Variants in PREX1 observed in about 807,000 individuals in gnomAD.
PREX1 encodes the protein phosphatidylinositol 3,4,5-trisphosphate-dependent Rac exchanger 1 protein.
PREX1 carries 41 observed loss-of-function variants against 198.3 expected under a neutral mutation model. The ratio of observed to expected loss-of-function variants is 0.21; its 90% CI spans 0.16 to 0.27. The LOEUF (loss-of-function observed/expected upper bound fraction) is 0.27, where lower values mean the gene tolerates loss of function less well. PREX1 is among the 10% of genes least tolerant of loss of function. The pLI is 1.00. For synonymous variants in PREX1, 843 were observed against 887.2 expected, an observed-to-expected ratio of 0.95 and a Z score of 0.89; for missense variants, 1,620 against 2,200.7, an observed-to-expected ratio of 0.74 and a Z score of 5.28.
At chr20:48,838,565 T>C in the PREX1 span, among the ~76,000 whole-genome samples, 1 of 152,088 alleles carries the variant, frequency 6.6e-6, no homozygotes, top group Non-Finnish European at 1.5e-5. Flanking sequence ...AAGTCTGATG[T>C]CAAAGAATAT....
intron 1 of PREX1, among the ~76,000 whole-genome samples, chr20:48,789,582 C>A (rs926944737): frequency 1.3e-5 from 2 of 152,238 alleles, no homozygotes; most frequent in Admixed American, 6.5e-5. Flanking sequence ...AGCCAGCCCC[C>A]ACGCAGCCAC....
At position 48,650,885 on chromosome 20, in the gene PREX1, C is replaced by A. The variant is rs768828939; in HGVS notation, c.2817+9G>T. ...TGTGGCAGAGACCCCGGAGGGAGCACGCAGGCACCTCCTGGTAGCAGGCAA... is the reference window on the plus strand; with the variant it reads ...TGTGGCAGAGACCCCGGAGGGAGCAAGCAGGCACCTCCTGGTAGCAGGCAA... On this transcript the variant is annotated intron_variant, in intron 23 of 39. Coordinates refer to ENST00000371941, the MANE Select transcript of PREX1 (RefSeq NM_020820.4). 2 of 1,613,910 alleles carry A rather than the reference C, an allele frequency of 1.2e-6. No individual in the cohort carries two copies. Among genetic ancestry groups the A allele is most frequent in the Non-Finnish European group, 1.7e-6 (2 of 1,179,926 alleles).
At chr20:48,844,924 C>T in the PREX1 span, among the ~76,000 whole-genome samples, 3 of 152,162 alleles carry the variant, frequency 2.0e-5, no homozygotes, top group African/African-American at 7.2e-5. Flanking sequence ...TCCAGACCTA[C>T]GTGGGATGTT....
At position 48,691,551 on chromosome 20, in the gene PREX1, A is replaced by G. The variant is rs1293038580; in HGVS notation, c.1037-455T>C. ...CAAACAGATTGGCATGATCTAGGGA[A>G]GCGAAAGCCTGAATCTGAGGAGGGC... On this transcript the variant is annotated intron_variant, in intron 8 of 39. Transcript: ENST00000371941. The surrounding 1 kb of genome is among the most constrained non-coding windows in gnomAD (Gnocchi z 5.0). Among the ~76,000 whole-genome samples the G allele has an allele frequency of 6.6e-6, 1 of 152,192 alleles. No homozygotes were observed. Among genetic ancestry groups the G allele is most frequent in the African/African-American group, 2.4e-5 (1 of 41,444 alleles).
the PREX1 span, among the ~76,000 whole-genome samples, chr20:48,847,567 T>C: frequency 6.6e-6 from 1 of 152,200 alleles, no homozygotes; most frequent in East Asian, 1.9e-4. Flanking sequence ...ATTGCCTCTA[T>C]TTCCACCATA....
chr20:48,771,257 C>A (rs1380102842), intron 1 of PREX1, among the ~76,000 whole-genome samples: 2 of 150,924 alleles, frequency 1.3e-5, no homozygotes, highest in African/African-American at 4.9e-5. Flanking sequence ...CCTATCCGAC[C>A]TTTAGGTTGT....
At chr20:48,657,802 A>G (rs1191982304) in intron 17 of PREX1, among the ~76,000 whole-genome samples, 2 of 152,176 alleles carry the variant, frequency 1.3e-5, no homozygotes. Context: ...GCTTTGCATC[A>G]GACAGCAATG....
At chr20:48,874,854 G>A in the PREX1 span, among the ~76,000 whole-genome samples, 2 of 151,600 alleles carry the variant, frequency 1.3e-5, no homozygotes, top group African/African-American at 4.9e-5. Context: ...TCCACCCTGG[G>A]CAACGGGAGT....
chr20:48,836,959 A>G, the PREX1 span, among the ~76,000 whole-genome samples: 1 of 150,902 alleles, frequency 6.6e-6, no homozygotes, highest in Admixed American at 6.6e-5. Flanking sequence ...TGAGGGACAC[A>G]GCGACATAAA....
chr20:48,804,087 C>A lies in PREX1; in HGVS notation c.219+23555G>T, dbSNP rs557593650. 9.8e-5 allele frequency among the ~76,000 whole-genome samples: 15 copies of A among 152,348 alleles called. No individual in the cohort carries two copies. In the East Asian group the frequency reaches 2.3e-3, roughly 24 times the overall value. On this transcript the variant is annotated intron_variant, in intron 1 of 39. Coordinates refer to ENST00000371941, the MANE Select transcript of PREX1 (RefSeq NM_020820.4). ...ACCATTGTTTGAGTCATCTGCGTTT[C>A]TGACGCCCAGAAGAAGGCCTGGGAT...
chr20:48,723,006 C>T (rs2089992875), intron 5 of PREX1, among the ~76,000 whole-genome samples: 1 of 152,260 alleles, frequency 6.6e-6, no homozygotes, highest in African/African-American at 2.4e-5. Flanking sequence ...ATTCCCCTGG[C>T]AACGTGAATG....
rs547284335 is a variant in PREX1 at position 48,718,848 on chromosome 20, GC to G, written c.621+7441del. On this transcript the variant is annotated intron_variant, in intron 5 of 39. Coordinates refer to ENST00000371941, the MANE Select transcript of PREX1 (RefSeq NM_020820.4). ...ATCTTTATAATAACCAATAACTAGG[GC>G]ACTATTTCACAGGAGAAAACTGAGG... Among the ~76,000 whole-genome samples, 351 of 152,214 alleles carry G rather than the reference GC, an allele frequency of 2.3e-3. 4 individuals carry two copies. Among genetic ancestry groups the G allele is most frequent in the African/African-American group, 8.1e-3 (334 of 41,488 alleles).
intron 31 of PREX1, 43 bp from the exon 32 acceptor site, chr20:48,636,726 G>A (rs1214261844): frequency 1.1e-5 from 17 of 1,518,190 alleles, no homozygotes; most frequent in East Asian, 2.4e-5. Flanking sequence ...GGGCGCTCCC[G>A]TGCCACCAGG....
chr20:48,692,583 GA>G, intron 8 of PREX1, 88 bp downstream of exon 8: 5 of 1,131,396 alleles, frequency 4.4e-6, no homozygotes, highest in Non-Finnish European at 6.4e-6. Flanking sequence ...CATGATAAAA[GA>G]AAAAAATATA....
chr20:48,694,893 G>A (rs185443770), intron 7 of PREX1, among the ~76,000 whole-genome samples: 1 of 152,318 alleles, frequency 6.6e-6, no homozygotes, highest in African/African-American at 2.4e-5. Flanking sequence ...GAAGGGACTA[G>A]AACCAGAGGG....
chr20:48,761,418 C>T (rs2090179320), intron 1 of PREX1, among the ~76,000 whole-genome samples: 1 of 152,134 alleles, frequency 6.6e-6, no homozygotes, highest in Non-Finnish European at 1.5e-5. Context: ...AGCAGACCCT[C>T]GAAAAGGATG....
the PREX1 span, among the ~76,000 whole-genome samples, chr20:48,835,199 C>T: frequency 2.6e-5 from 4 of 152,292 alleles, no homozygotes; most frequent in South Asian, 2.1e-4. Flanking sequence ...TGTTTCCTTG[C>T]GCTGAAACAG....
At chr20:48,743,259 T>C (rs1244483340) in intron 3 of PREX1, among the ~76,000 whole-genome samples, 1 of 152,212 alleles carries the variant, frequency 6.6e-6, no homozygotes, top group Non-Finnish European at 1.5e-5. Flanking sequence ...GAAAAAGCAC[T>C]TCCTGTCTCC....
chr20:48,626,497 C>A (rs1028865408), intron 39 of PREX1, among the ~76,000 whole-genome samples: 4 of 152,248 alleles, frequency 2.6e-5, no homozygotes, highest in African/African-American at 9.6e-5. Flanking sequence ...GCGTCCCCAC[C>A]TGCCAAGTGG....
Sources: gnomAD v4.1 joint callset for allele counts (sites outside exome capture counted in the v4.1 genomes callset) on GRCh38, gnomAD v4.1.1 for gene constraint, Gnocchi (gnomAD v3.1) non-coding constraint, MANE v1.5 for transcripts, NCBI Gene and HGNC (gene_info 2026-07-23, HGNC 2026-07-21) for gene names.